TNFAIP8: variants seen among roughly 807,000 people sequenced by gnomAD.
TNFAIP8 encodes tumor necrosis factor alpha-induced protein 8.
In TNFAIP8, 7 loss-of-function variants were observed where a neutral mutation model predicts 13.3. The ratio of observed to expected loss-of-function variants is 0.52; its 90% CI spans 0.30 to 0.99. The LOEUF (loss-of-function observed/expected upper bound fraction) is 0.99. TNFAIP8 is among the 50% of genes least tolerant of loss of function. TNFAIP8 has a pLI of 0.07. For missense variants in TNFAIP8, 258 were observed against 236.9 expected, an observed-to-expected ratio of 1.09 and a Z score of -0.58; for synonymous variants, 94 against 87.6, an observed-to-expected ratio of 1.07 and a Z score of -0.41.
At chr5:119,345,294 A>C (rs773906756) in intron 1 of TNFAIP8, among the ~76,000 whole-genome samples, 41 of 152,256 alleles carry the variant, frequency 2.7e-4, no homozygotes, top group Admixed American at 5.9e-4. Flanking sequence ...AAAATAAACA[A>C]GTATTAGCTA....
intron 1 of TNFAIP8, among the ~76,000 whole-genome samples, chr5:119,340,800 C>T (rs535480687): frequency 2.6e-5 from 4 of 152,224 alleles, no homozygotes; most frequent in South Asian, 4.1e-4. Context: ...GGCTGAGTGG[C>T]GGTTTGAATT....
chr5:119,395,343 A>G lies in TNFAIP8; in HGVS notation c.*1962A>G, dbSNP rs139705413. 58 of 152,360 alleles carry G rather than the reference A, an allele frequency of 3.8e-4. No individual in the cohort carries two copies. The highest frequency in any genetic ancestry group is 1.4e-3 in the African/African-American group (57 of 41,564). 9.4% of individuals were successfully genotyped at this position (152,360 alleles called of 1,614,324 possible). A position where few individuals can be genotyped will look rare whatever the true frequency, so the allele number is the denominator to read the frequency against. On this transcript the variant is annotated 3_prime_UTR_variant, in exon 2 of 2. Coordinates refer to ENST00000504771, the MANE Select transcript of TNFAIP8 (RefSeq NM_014350.4). Reference sequence around the variant, plus strand: ...ATGTGATGGGGGGTGTGAGCTACTGACTGGATGTGTTCTGTTCTCCAGATC... The same window carrying G: ...ATGTGATGGGGGGTGTGAGCTACTGGCTGGATGTGTTCTGTTCTCCAGATC...
chr5:119,352,179 T>C (rs1332589469), upstream of TNFAIP8, among the ~76,000 whole-genome samples: 1 of 152,158 alleles, frequency 6.6e-6, no homozygotes, highest in African/African-American at 2.4e-5. Flanking sequence ...ACTTGTGTTA[T>C]GGAAGGGTAA....
intron 1 of TNFAIP8, among the ~76,000 whole-genome samples, chr5:119,321,171 C>G (rs933810718): frequency 1.3e-5 from 2 of 152,082 alleles, no homozygotes; most frequent in South Asian, 2.1e-4. Flanking sequence ...GAGCCGAGAT[C>G]GAGCCACTGC....
At chr5:119,338,673 A>C (rs549913853) in intron 1 of TNFAIP8, among the ~76,000 whole-genome samples, 1 of 152,362 alleles carries the variant, frequency 6.6e-6, no homozygotes, top group African/African-American at 2.4e-5. Flanking sequence ...ATTTTCATGC[A>C]CTATTCCTCC....
chr5:119,377,189 G>A (rs1752316965), intron 1 of TNFAIP8, among the ~76,000 whole-genome samples: 1 of 152,034 alleles, frequency 6.6e-6, no homozygotes, highest in Admixed American at 6.5e-5. Context: ...ATTGCTTGAG[G>A]CCAAGAGTTT....
chr5:119,356,523 G>C (rs1509141), intron 1 of TNFAIP8, among the ~76,000 whole-genome samples: 115,302 of 152,112 alleles, frequency 0.76, 44,698 homozygotes, highest in African/African-American at 0.93. Context: ...AAAGGGGTTT[G>C]AGAAATTAGA....
At chr5:119,349,667 AG>A (rs1055854752) in intron 1 of TNFAIP8, among the ~76,000 whole-genome samples, 10 of 152,358 alleles carry the variant, frequency 6.6e-5, no homozygotes, top group Middle Eastern at 3.4e-3. Context: ...TTTAAAAAAA[AG>A]ATTCATAGTT....
chr5:119,274,097 G>A (rs1024192146), intron 1 of TNFAIP8, among the ~76,000 whole-genome samples: 1 of 152,144 alleles, frequency 6.6e-6, no homozygotes, highest in African/African-American at 2.4e-5. Flanking sequence ...GACAGAGATT[G>A]TGGTGTGTGC....
intron 1 of TNFAIP8, among the ~76,000 whole-genome samples, chr5:119,366,606 CTGTGACATCG>C (rs1165759410): frequency 6.6e-6 from 1 of 152,220 alleles, no homozygotes; most frequent in Non-Finnish European, 1.5e-5. Flanking sequence ...TCAAAGCTGC[CTGTGACATCG>C]TGATGCCCAT....
At position 119,309,712 on chromosome 5, in the gene TNFAIP8, C is replaced by G. The variant is rs1260497633; in HGVS notation, c.1+40805C>G. ...CTCCCCACTCACAAAAGACACATCA[C>G]CCCAGTCTCAGGACATTCTGATAAC... On this transcript the variant is annotated intron_variant, in intron 1 of 1. Coordinates refer to the TNFAIP8 transcript ENST00000274456. Among the ~76,000 whole-genome samples the G allele has an allele frequency of 2.0e-5, 3 of 152,184 alleles. No individual in the cohort carries two copies. The East Asian group carries it at 5.8e-4, about 29-fold the overall frequency.
chr5:119,350,435 G>C (rs551507138), intron 1 of TNFAIP8, among the ~76,000 whole-genome samples: 5 of 152,146 alleles, frequency 3.3e-5, no homozygotes, highest in African/African-American at 1.2e-4. Flanking sequence ...AAGGGTCTTG[G>C]AACCAATCTC....
chr5:119,382,896 A>G (rs1371336474), intron 1 of TNFAIP8, among the ~76,000 whole-genome samples: 1 of 152,244 alleles, frequency 6.6e-6, no homozygotes, highest in Admixed American at 6.5e-5. Context: ...TTAATTTGTT[A>G]GCCAATTATT....
Sources: gnomAD v4.1 joint callset for allele counts (sites outside exome capture counted in the v4.1 genomes callset) on GRCh38, gnomAD v4.1.1 for gene constraint, MANE v1.5 for transcripts, NCBI Gene and HGNC (gene_info 2026-07-23, HGNC 2026-07-21) for gene names.